The following ITCH variants were observed in gnomAD, a reference collection of about 807,000 sequenced individuals.
The protein encoded by ITCH is E3 ubiquitin-protein ligase Itchy homolog.
A neutral mutation model predicts 126.8 loss-of-function variants in ITCH; 28 were observed. The observed-to-expected ratio is 0.22, with a 90% CI of 0.16 to 0.30. The LOEUF is 0.30. ITCH is among the 10% of genes least tolerant of loss of function. The pLI is 1.00. For missense variants in ITCH, 631 were observed against 1,032.4 expected, an observed-to-expected ratio of 0.61 and a Z score of 5.33; for synonymous variants, 342 against 340.0, an observed-to-expected ratio of 1.01 and a Z score of -0.06.
At chr20:34,387,239 G>A (rs1289017230) in intron 2 of ITCH, among the ~76,000 whole-genome samples, 3 of 151,772 alleles carry the variant, frequency 2.0e-5, no homozygotes, top group Admixed American at 2.0e-4. Flanking sequence ...GGAAGCAGAG[G>A]TTGCAGCGAG....
rs1984329624 is a variant in ITCH at position 34,445,381 on chromosome 20, C to T, written c.1060C>T (p.Arg354Trp). ...GCAGAGGCCAACACTGGAATCCGTC[C>T]GGAACTATGAACAATGGCAGCTACA... ...TWQRPTLESV[R>W]NYEQWQLQRS... The change falls in exon 11 of 25, where the codon CGG becomes TGG. Residue 354 changes from arginine to tryptophan, a missense_variant. Arg to Trp is a moderately radical substitution (Grantham distance 101). Coordinates refer to ENST00000374864, the MANE Select transcript of ITCH (RefSeq NM_031483.7). 2.5e-6 allele frequency: 4 copies of T among 1,613,810 alleles called. No homozygotes were observed. Among genetic ancestry groups the T allele is most frequent in the South Asian group, 1.1e-5 (1 of 91,072 alleles).
chr20:34,427,318 G>A (rs897699116), intron 7 of ITCH, among the ~76,000 whole-genome samples: 2 of 152,150 alleles, frequency 1.3e-5, no homozygotes, highest in African/African-American at 4.8e-5. Flanking sequence ...GGTCATGGTA[G>A]CTCACACCTG....
intron 2 of ITCH, among the ~76,000 whole-genome samples, chr20:34,378,763 T>C (rs2037944557): frequency 1.3e-5 from 2 of 152,166 alleles, no homozygotes; most frequent in Non-Finnish European, 1.5e-5. Context: ...ATAGCTGTTT[T>C]GGAAATGGGA....
intron 3 of ITCH, among the ~76,000 whole-genome samples, chr20:34,404,915 C>G (rs1222669378): frequency 2.6e-5 from 4 of 151,886 alleles, no homozygotes. Context: ...AAGTGGATCT[C>G]TTGAGCCCAG....
At chr20:34,417,699 C>T (rs1275192411) in intron 6 of ITCH, among the ~76,000 whole-genome samples, 19 of 135,978 alleles carry the variant, frequency 1.4e-4, no homozygotes, top group Non-Finnish European at 6.3e-5. Context: ...TGCGCCTGGC[C>T]CAGCTTTTTT....
chr20:34,412,819 CCATT>C (rs1240296979), intron 5 of ITCH, among the ~76,000 whole-genome samples, 180 bp downstream of exon 5: 5 of 151,902 alleles, frequency 3.3e-5, no homozygotes, highest in African/African-American at 9.7e-5. Context: ...CTTGGTTTGA[CCATT>C]CATTTTGGAT....
chr20:34,415,691 A>AT (rs1979730578), intron 6 of ITCH, among the ~76,000 whole-genome samples: 1 of 152,238 alleles, frequency 6.6e-6, no homozygotes, highest in African/African-American at 2.4e-5. Context: ...CAAGAACTCT[A>AT]TAATAGTCAC....
intron 7 of ITCH, among the ~76,000 whole-genome samples, chr20:34,430,625 A>G (rs1982159024): frequency 6.6e-6 from 1 of 152,096 alleles, no homozygotes; most frequent in Non-Finnish European, 1.5e-5. Context: ...TGCGTGCACC[A>G]CTAGACTTGG....
At chr20:34,418,700 A>G (rs981510519) in intron 6 of ITCH, among the ~76,000 whole-genome samples, 4 of 151,734 alleles carry the variant, frequency 2.6e-5, no homozygotes, top group Middle Eastern at 3.5e-3. Context: ...AGAATATTAA[A>G]TAATTTACTT....
At chr20:34,425,591 A>G (rs1981403276) in intron 7 of ITCH, among the ~76,000 whole-genome samples, 3 of 152,220 alleles carry the variant, frequency 2.0e-5, no homozygotes, top group Admixed American at 2.0e-4. Context: ...GAGGTGAGAT[A>G]TGCTGGCAGC....
At chr20:34,391,077 A>G (rs925101516) in intron 2 of ITCH, among the ~76,000 whole-genome samples, 1 of 152,198 alleles carries the variant, frequency 6.6e-6, no homozygotes, top group African/African-American at 2.4e-5. Flanking sequence ...TTAACCATGT[A>G]TGCAGTTGTA....
At chr20:34,425,073 G>A (rs1316870284) in intron 7 of ITCH, among the ~76,000 whole-genome samples, 1 of 152,198 alleles carries the variant, frequency 6.6e-6, no homozygotes, top group Non-Finnish European at 1.5e-5. Context: ...ACTCCATTTT[G>A]ATCTGTACTA....
intron 24 of ITCH, 128 bp from the exon 25 acceptor site, chr20:34,507,567 G>C (rs900307869): frequency 2.5e-5 from 18 of 724,960 alleles, no homozygotes; most frequent in Non-Finnish European, 3.8e-5. Context: ...TCACTTTCTT[G>C]ATGGTATCCT....
intron 2 of ITCH, 36 bp downstream of exon 2, chr20:34,369,506 G>A (rs1212708387): frequency 2.5e-6 from 1 of 398,212 alleles, no homozygotes; most frequent in Non-Finnish European, 4.4e-6. Flanking sequence ...TTGGGGGCAA[G>A]AGTGATGCAG....
intron 13 of ITCH, among the ~76,000 whole-genome samples, chr20:34,460,975 C>A (rs939309477): frequency 2.0e-5 from 3 of 151,906 alleles, no homozygotes; most frequent in African/African-American, 7.3e-5. Context: ...GAACTATGAT[C>A]ATGCCACTGC....
chr20:34,377,870 CAAAA>C (rs979304706), intron 2 of ITCH, among the ~76,000 whole-genome samples: 55 of 107,080 alleles, frequency 5.1e-4, no homozygotes, highest in Non-Finnish European at 8.7e-4. Flanking sequence ...GACCCTGTCT[CAAAA>C]AAAAAAAAAA....
chr20:34,401,907 A>C (rs1031010120), intron 3 of ITCH, among the ~76,000 whole-genome samples: 4 of 152,168 alleles, frequency 2.6e-5, no homozygotes, highest in African/African-American at 9.7e-5. Flanking sequence ...AACTGAAACT[A>C]GTACTAATCA....
rs1054240588 is a variant in ITCH at position 34,510,705 on chromosome 20, A to G, written c.*2911A>G. ...TCAGAGTGCAGCAAAATCTCATTTC[A>G]TAAGACTTACAATAACTCTATTTAA... On this transcript the variant is annotated 3_prime_UTR_variant, in exon 25 of 25. Transcript: ENST00000374864. 1 of 152,144 alleles carries G rather than the reference A, an allele frequency of 6.6e-6. No individual in the cohort carries two copies. Among genetic ancestry groups the G allele is most frequent in the African/African-American group, 2.4e-5 (1 of 41,428 alleles). The allele number at this position is 152,144 out of a possible 1,614,324, so 9.4% of individuals were successfully genotyped here. A position where few individuals can be genotyped will look rare whatever the true frequency, so the allele number is the denominator to read the frequency against.
intron 23 of ITCH, among the ~76,000 whole-genome samples, chr20:34,504,094 T>C (rs1014637689): frequency 6.6e-6 from 1 of 152,080 alleles, no homozygotes. Flanking sequence ...TTGGCCAGGC[T>C]GATCTTGAAC....
Sources: gnomAD v4.1 joint callset for allele counts (sites outside exome capture counted in the v4.1 genomes callset) on GRCh38, gnomAD v4.1.1 for gene constraint, MANE v1.5 for transcripts, NCBI Gene and HGNC (gene_info 2026-07-23, HGNC 2026-07-21) for gene names.